The following FAM107B variants were observed in gnomAD, a reference collection of about 807,000 sequenced individuals.
The protein encoded by FAM107B is family with sequence similarity 107 member B, also known as protein FAM107B.
FAM107B carries 21 observed loss-of-function variants against 31.5 expected under a neutral mutation model. That is an observed-to-expected ratio of 0.67 (90% confidence interval 0.47 to 0.96). The LOEUF is 0.96. Among genes scored for constraint, FAM107B ranks in the 40% least tolerant of loss-of-function variants. FAM107B has a pLI of 0.00. For missense variants in FAM107B, 452 were observed against 377.1 expected (o/e 1.20, Z -1.64); for synonymous variants, 157 against 141.5 (o/e 1.11, Z -0.78).
chr10:14,611,484 TTATATATATATATATATA>T (rs3035276), intron 2 of FAM107B, among the ~76,000 whole-genome samples: 44,163 of 124,730 alleles, frequency 0.35, 8,811 homozygotes, highest in Admixed American at 0.47. Flanking sequence ...AATGCCAGTT[TTATATATATATATATATA>T]TATATATATA....
At chr10:14,705,006 GGAGT>G (rs1271883411) in intron 1 of FAM107B, among the ~76,000 whole-genome samples, 2 of 137,488 alleles carry the variant, frequency 1.5e-5, no homozygotes, top group Non-Finnish European at 3.1e-5. Flanking sequence ...ACTGAGCAAT[GGAGT>G]GAGACCCTGT....
rs139244401 is a variant in FAM107B at position 14,546,044 on chromosome 10, A to G, written c.470-15529T>C. ...GCTGACTAATAATTCCGTAATATTT[A>G]TGACCTGGCCCAACTGGCCAAACAA... is the stretch of plus-strand genomic sequence containing the variant. On this transcript the variant is annotated intron_variant, in intron 2 of 4. Coordinates refer to ENST00000181796, the MANE Select transcript of FAM107B (RefSeq NM_031453.4). Among the ~76,000 whole-genome samples the G allele has an allele frequency of 9.1e-4, 138 of 152,390 alleles. 3 individuals carry two copies. In the East Asian group the frequency reaches 0.026, roughly 29 times the overall value.
At chr10:14,544,741 G>GA (rs35603904) in intron 2 of FAM107B, among the ~76,000 whole-genome samples, 14,784 of 152,140 alleles carry the variant, frequency 0.097, 753 homozygotes, top group East Asian at 0.19. Context: ...TATGATAGCG[G>GA]AAAAAATGGA....
chr10:14,659,754 G>A (rs887227591), intron 2 of FAM107B, among the ~76,000 whole-genome samples: 5 of 152,152 alleles, frequency 3.3e-5, no homozygotes, highest in Non-Finnish European at 5.9e-5. Flanking sequence ...AATGGGTCTC[G>A]TTTTGTCACC....
chr10:14,549,569 C>G (rs149412783), intron 2 of FAM107B, among the ~76,000 whole-genome samples: 52 of 152,292 alleles, frequency 3.4e-4, no homozygotes, highest in Middle Eastern at 6.8e-3. Context: ...TGAACTTTCC[C>G]TGATTCAACT....
At chr10:14,686,246 G>A (rs544443087) in intron 1 of FAM107B, among the ~76,000 whole-genome samples, 14 of 152,148 alleles carry the variant, frequency 9.2e-5, no homozygotes, top group East Asian at 7.7e-4. Flanking sequence ...AAAATTAGCC[G>A]GGCATGTTGG....
In FAM107B at chr10:14,752,742, G is replaced by A. The variant is rs1031414598; in HGVS notation, c.411+21511C>T. Among the ~76,000 whole-genome samples, 8 of 152,210 alleles carry A rather than the reference G, an allele frequency of 5.3e-5. No homozygotes were observed. In the East Asian group the frequency reaches 1.5e-3, roughly 29 times the overall value. On this transcript the variant is annotated intron_variant, in intron 1 of 4. Coordinates refer to ENST00000181796, the MANE Select transcript of FAM107B (RefSeq NM_031453.4). Reference sequence around the variant, plus strand: ...GCCACAGGAGTTCAAGACCAGCCTGGGCAATGTGGCGAGACCCCATCTCTA... The same window carrying A: ...GCCACAGGAGTTCAAGACCAGCCTGAGCAATGTGGCGAGACCCCATCTCTA...
intron 1 of FAM107B, among the ~76,000 whole-genome samples, chr10:14,767,061 G>T (rs377716649): frequency 0.068 from 1,550 of 22,946 alleles, 3 homozygotes; most frequent in Non-Finnish European, 0.087. Context: ...TATATAGAGA[G>T]AGAGAGAGAG....
intron 1 of FAM107B, among the ~76,000 whole-genome samples, chr10:14,771,813 G>A (rs1375368099): frequency 6.6e-6 from 1 of 152,174 alleles, no homozygotes; most frequent in Non-Finnish European, 1.5e-5. Context: ...ACTATGCCCA[G>A]CCAATATGTA....
intron 2 of FAM107B, among the ~76,000 whole-genome samples, chr10:14,565,686 C>A (rs11259191): frequency 6.6e-6 from 1 of 152,110 alleles, no homozygotes; most frequent in Non-Finnish European, 1.5e-5. Context: ...GCAAACGAAG[C>A]GGCTGAAACT....
At chr10:14,644,219 A>G (rs889814918) in intron 2 of FAM107B, among the ~76,000 whole-genome samples, 3 of 152,236 alleles carry the variant, frequency 2.0e-5, no homozygotes, top group African/African-American at 7.2e-5. Context: ...GCTAACATTT[A>G]TCAAATGCTT....
chr10:14,570,783 CAG>C (rs1851151364), intron 2 of FAM107B, among the ~76,000 whole-genome samples: 4 of 141,578 alleles, frequency 2.8e-5, no homozygotes, highest in Non-Finnish European at 4.6e-5. Flanking sequence ...GCCTGGATGA[CAG>C]AGTGAGACTC....
chr10:14,575,382 TA>T (rs1387646651), intron 2 of FAM107B, among the ~76,000 whole-genome samples: 3 of 152,122 alleles, frequency 2.0e-5, no homozygotes, highest in African/African-American at 7.2e-5. Flanking sequence ...TTTGTATTTT[TA>T]GTAGAGAAGG....
intron 1 of FAM107B, among the ~76,000 whole-genome samples, chr10:14,668,443 G>A (rs930336939): frequency 3.3e-5 from 5 of 152,148 alleles, no homozygotes; most frequent in Admixed American, 2.6e-4. Flanking sequence ...ACTTTCGAAA[G>A]TTCCATCATT....
intron 2 of FAM107B, among the ~76,000 whole-genome samples, chr10:14,547,440 C>G (rs1296856912): frequency 6.6e-6 from 1 of 152,178 alleles, no homozygotes; most frequent in African/African-American, 2.4e-5. Context: ...TTTGTTTCTA[C>G]AGAAGAATAT....
In FAM107B at chr10:14,559,539, T is replaced by TA. The variant is rs573658604; in HGVS notation, c.470-29025dup. Among the ~76,000 whole-genome samples, 45 of 150,744 alleles carry TA rather than the reference T, an allele frequency of 3.0e-4. No individual in the cohort carries two copies. In the South Asian group the frequency reaches 3.1e-3, roughly 10 times the overall value. On this transcript the variant is annotated intron_variant, in intron 2 of 4. Coordinates refer to ENST00000181796, the MANE Select transcript of FAM107B (RefSeq NM_031453.4). ...ATTTCAGCACCAAACTTCAGTCCTATAAGCCCGCAGCTTCTCACTCAGTTT... is the reference window on the plus strand; with the variant it reads ...ATTTCAGCACCAAACTTCAGTCCTATAAAGCCCGCAGCTTCTCACTCAGTTT...
chr10:14,548,848 C>CACACACACT (rs1848979518), intron 2 of FAM107B, among the ~76,000 whole-genome samples: 1 of 33,430 alleles, frequency 3.0e-5, no homozygotes, highest in East Asian at 1.2e-3. Context: ...ACACACACAC[C>CACACACACT]GACTGAATGC....
rs560750911 is a variant in FAM107B, at chr10:14,614,865, G to T, written c.469+52769C>A. 1.0e-3 allele frequency among the ~76,000 whole-genome samples: 156 copies of T among 152,086 alleles called. 1 individual carries two copies. The highest frequency in any genetic ancestry group is 3.7e-3 in the African/African-American group (152 of 41,498). ...AGACAGGGACTGTTTACCAACCCAA[G>T]AATCACTCGGGGAGCAGCAGGGGTG... On this transcript the variant is annotated intron_variant, in intron 2 of 4. Coordinates refer to ENST00000181796, the MANE Select transcript of FAM107B (RefSeq NM_031453.4).
At chr10:14,661,747 AT>A in intron 2 of FAM107B, 1 of 152,322 alleles carries the variant, frequency 6.6e-6, no homozygotes, top group Non-Finnish European at 1.5e-5. Flanking sequence ...GAAGAGAATG[AT>A]TTTGGTTTGG....
Sources: gnomAD v4.1 joint callset for allele counts (sites outside exome capture counted in the v4.1 genomes callset) on GRCh38, gnomAD v4.1.1 for gene constraint, MANE v1.5 for transcripts, NCBI Gene and HGNC (gene_info 2026-07-23, HGNC 2026-07-21) for gene names.